Variants in SLC12A7 observed in about 807,000 individuals in gnomAD.
SLC12A7 encodes solute carrier family 12 member 7, also known as K-Cl cotransporter 4.
In SLC12A7, 100 loss-of-function variants were observed where a neutral mutation model predicts 120.6. That is an observed-to-expected ratio of 0.83 (90% confidence interval 0.71 to 0.98). SLC12A7 has a LOEUF of 0.98. Among genes scored for constraint, SLC12A7 ranks in the 50% least tolerant of loss-of-function variants. SLC12A7 has a pLI of 0.00. For synonymous variants in SLC12A7, 760 were observed against 678.0 expected (o/e 1.12, Z -1.88); for missense variants, 1,373 against 1,548.1 (o/e 0.89, Z 1.90).
In SLC12A7 at chr5:1,075,352, G is replaced by T. The variant is rs371933452; in HGVS notation, c.1967+19C>A. ...CCCTCCCGTGCGCCGGGTCTGTAAG[G>T]GGGGCTGACAGCGCTTACCCGCGGT... On this transcript the variant is annotated intron_variant, in intron 15 of 23. Transcript: ENST00000264930. 5.0e-6 allele frequency: 8 copies of T among 1,605,540 alleles called. No homozygotes were observed. In the South Asian group the frequency reaches 5.5e-5, roughly 11 times the overall value.
intron 21 of SLC12A7, among the ~76,000 whole-genome samples, chr5:1,058,235 T>C (rs935885633): frequency 6.6e-5 from 10 of 152,232 alleles, no homozygotes; most frequent in African/African-American, 1.9e-4. Flanking sequence ...TCCACGCCCC[T>C]AGCTGTAGGC....
intron 20 of SLC12A7, among the ~76,000 whole-genome samples, chr5:1,061,596 C>T (rs1262095239): frequency 6.6e-6 from 1 of 152,212 alleles, no homozygotes; most frequent in Non-Finnish European, 1.5e-5. Flanking sequence ...TGTGTCTCAC[C>T]CGCCGCACCC....
At chr5:1,115,091 T>C (rs765074982), upstream of SLC12A7, among the ~76,000 whole-genome samples, 3 of 152,228 alleles carry the variant, frequency 2.0e-5, no homozygotes, top group Non-Finnish European at 2.9e-5. Context: ...ATTAGTGCCC[T>C]TTCCAAGCAT....
chr5:1,113,867 T>C (rs4576192), upstream of SLC12A7, among the ~76,000 whole-genome samples: 124,494 of 152,222 alleles, frequency 0.82, 51,272 homozygotes, highest in African/African-American at 0.91. Flanking sequence ...CAACCCTGGT[T>C]GCCACCCAGC....
the SLC12A7 span, among the ~76,000 whole-genome samples, chr5:1,125,451 G>A: frequency 0.062 from 9,423 of 152,114 alleles, 387 homozygotes; most frequent in Non-Finnish European, 0.096. Context: ...ATCTGCAGGC[G>A]TGTCAACATG....
chr5:1,136,651 A>G, the SLC12A7 span, among the ~76,000 whole-genome samples: 222 of 106,412 alleles, frequency 2.1e-3, 1 homozygote, highest in African/African-American at 7.8e-3. Context: ...GCAGGCACAC[A>G]TGTGCTCAGA....
At position 1,089,196 on chromosome 5, in the gene SLC12A7, T is replaced by A. The variant is rs1160338368; in HGVS notation, c.343-68A>T. 1.1e-5 allele frequency: 17 copies of A among 1,557,902 alleles called. No individual in the cohort carries two copies. The Middle Eastern group carries it at 5.1e-4, about 47-fold the overall frequency. On this transcript the variant is annotated intron_variant, in intron 3 of 23. Transcript: ENST00000264930. ...CCCAGAGGGAGCCCCCTCCCCAGGC[T>A]GCACTCAGGCCCTGGGCAGGCAAAG...
the SLC12A7 span, among the ~76,000 whole-genome samples, chr5:1,148,307 C>A: frequency 6.7e-6 from 1 of 148,306 alleles, no homozygotes; most frequent in East Asian, 2.0e-4. Context: ...CCCAGGTTCA[C>A]ACCATTCTCC....
chr5:1,145,789 C>T, the SLC12A7 span, among the ~76,000 whole-genome samples: 2 of 152,014 alleles, frequency 1.3e-5, no homozygotes, highest in African/African-American at 2.4e-5. This position sits in a 1 kb window ranked among gnomAD's most constrained non-coding sequence, Gnocchi z 4.4. Flanking sequence ...GCTGGGGGTG[C>T]GGGAGGGTTT....
the SLC12A7 span, among the ~76,000 whole-genome samples, chr5:1,125,265 G>A: frequency 2.5e-4 from 28 of 111,930 alleles, no homozygotes; most frequent in Non-Finnish European, 3.4e-4. Flanking sequence ...TGTTTTAAAC[G>A]AAAGTGTGTG....
chr5:1,153,100 C>T, the SLC12A7 span, among the ~76,000 whole-genome samples: 1 of 152,234 alleles, frequency 6.6e-6, no homozygotes, highest in African/African-American at 2.4e-5. Flanking sequence ...GAGCCATCCT[C>T]CTCCAACCCC....
chr5:1,055,614 C>T (rs886372220), intron 22 of SLC12A7, among the ~76,000 whole-genome samples: 11 of 152,354 alleles, frequency 7.2e-5, no homozygotes, highest in African/African-American at 2.2e-4. Context: ...CTTCTCCTGA[C>T]CCTACAGGCC....
chr5:1,061,033 CGTGCGGG>C (rs1561034702), intron 20 of SLC12A7, among the ~76,000 whole-genome samples: 26 of 145,026 alleles, frequency 1.8e-4, no homozygotes, highest in African/African-American at 6.9e-4. Flanking sequence ...CCGCACCCGC[CGTGCGGG>C]ATCCCTGAGT....
intron 1 of SLC12A7, among the ~76,000 whole-genome samples, chr5:1,096,922 G>A (rs934335314): frequency 8.0e-5 from 12 of 149,888 alleles, no homozygotes; most frequent in Non-Finnish European, 1.6e-4. Context: ...GGGAAGGAAG[G>A]AGGGAGGGAG....
chr5:1,089,050 G>T lies in SLC12A7; in HGVS notation c.421C>A (p.Leu141Met). 1 of 1,613,106 alleles carries T rather than the reference G, an allele frequency of 6.2e-7. No homozygotes were observed. Among genetic ancestry groups the T allele is most frequent in the Non-Finnish European group, 8.5e-7 (1 of 1,179,986 alleles). Residue 141 changes from leucine (L) to methionine (M), a missense_variant, in exon 4 of 24, where the codon CTG (leucine) becomes ATG (methionine). Physicochemically the swap from Leu to Met is conservative, Grantham distance 15. Transcript: ENST00000264930. ...NILGVILFLR[L>M]TWIVGVAGVL... ...CCAGCCACCCCCACGATCCACGTCA[G>T]GCGCAGGAAGAGGATGACGCCCAGG...
At chr5:1,078,133 C>A (rs1276697318) in intron 11 of SLC12A7, 126 bp from the exon 12 acceptor site, 2 of 1,168,444 alleles carry the variant, frequency 1.7e-6, no homozygotes, top group Admixed American at 3.0e-5. Context: ...AGCTGAGGCC[C>A]GGCCTCCAGT....
chr5:1,140,862 G>C, the SLC12A7 span, among the ~76,000 whole-genome samples: 1 of 152,170 alleles, frequency 6.6e-6, no homozygotes, highest in Non-Finnish European at 1.5e-5. Context: ...AGGTGACCAC[G>C]CCATGGGAGA....
At chr5:1,115,861 G>A (rs28629853), upstream of SLC12A7, among the ~76,000 whole-genome samples, 8,167 of 149,032 alleles carry the variant, frequency 0.055, 802 homozygotes, top group African/African-American at 0.18. Flanking sequence ...GGAGGGAAAG[G>A]AAAGAGGTGG....
At chr5:1,146,893 TAAA>T in the SLC12A7 span, among the ~76,000 whole-genome samples, 5 of 152,176 alleles carry the variant, frequency 3.3e-5, no homozygotes, top group Non-Finnish European at 7.3e-5. This position sits in a 1 kb window ranked among gnomAD's most constrained non-coding sequence, Gnocchi z 6.5. Flanking sequence ...ATGTATATCT[TAAA>T]TGTCTCATGC....
Sources: allele counts gnomAD v4.1 joint callset (sites outside exome capture counted in the v4.1 genomes callset), GRCh38; gene constraint gnomAD v4.1.1; non-coding constraint Gnocchi (gnomAD v3.1); transcripts MANE v1.5; gene names NCBI Gene and HGNC (gene_info 2026-07-23, HGNC 2026-07-21).